PACSIN2: variants seen among roughly 807,000 people sequenced by gnomAD.
The protein encoded by PACSIN2 is protein kinase C and casein kinase substrate in neurons 2.
In PACSIN2, 25 loss-of-function variants were observed where a neutral mutation model predicts 63.8. The ratio of observed to expected loss-of-function variants is 0.39; its 90% CI spans 0.29 to 0.55. The LOEUF (loss-of-function observed/expected upper bound fraction) is 0.55. PACSIN2 is among the 20% of genes least tolerant of loss of function. The pLI, the probability that PACSIN2 is intolerant of heterozygous loss-of-function variation, is 0.62. For missense variants in PACSIN2, 518 were observed against 646.9 expected (o/e 0.80, Z 2.16); for synonymous variants, 255 against 256.2 (o/e 1.00, Z 0.05).
chr22:42,997,857 G>A (rs527400355), intron 1 of PACSIN2, among the ~76,000 whole-genome samples: 27 of 152,262 alleles, frequency 1.8e-4, no homozygotes, highest in African/African-American at 5.5e-4. Flanking sequence ...CCCCAGCCTG[G>A]GCGACAGGGC....
intron 1 of PACSIN2, among the ~76,000 whole-genome samples, chr22:42,953,118 A>T (rs947361361): frequency 3.3e-5 from 5 of 152,284 alleles, no homozygotes; most frequent in South Asian, 2.1e-4. Flanking sequence ...TGCAGGATTT[A>T]AAAAAATCAG....
At chr22:42,874,323 TA>T (rs5845568) in intron 10 of PACSIN2, among the ~76,000 whole-genome samples, 34,848 of 133,768 alleles carry the variant, frequency 0.26, 7,791 homozygotes, top group African/African-American at 0.58. Context: ...GTGTCTCTAT[TA>T]AAAAAAAAAA....
At chr22:42,896,988 G>C (rs1438819201) in intron 2 of PACSIN2, among the ~76,000 whole-genome samples, 1 of 152,066 alleles carries the variant, frequency 6.6e-6, no homozygotes, top group Non-Finnish European at 1.5e-5. Context: ...CCAGGCTAGA[G>C]TGCAGTGCCA....
At chr22:42,939,478 G>A (rs1601550973) in intron 1 of PACSIN2, among the ~76,000 whole-genome samples, 1 of 152,198 alleles carries the variant, frequency 6.6e-6, no homozygotes, top group African/African-American at 2.4e-5. Context: ...TGGAAGTGAC[G>A]CAGTTAGAGC....
intron 1 of PACSIN2, among the ~76,000 whole-genome samples, chr22:42,977,541 T>C (rs773404608): frequency 2.6e-5 from 4 of 152,206 alleles, no homozygotes; most frequent in South Asian, 2.1e-4. Flanking sequence ...TTTTCAGCCA[T>C]GAGATTAGCA....
chr22:42,915,085 C>T (rs1266660259), intron 1 of PACSIN2, among the ~76,000 whole-genome samples: 1 of 152,148 alleles, frequency 6.6e-6, no homozygotes, highest in Non-Finnish European at 1.5e-5. Context: ...CCAGACTGGT[C>T]TCAAACTCCT....
At chr22:43,013,810 T>C (rs1442296982) in intron 1 of PACSIN2, among the ~76,000 whole-genome samples, 1 of 152,128 alleles carries the variant, frequency 6.6e-6, no homozygotes, top group East Asian at 1.9e-4. Context: ...TGGTAAACAG[T>C]GTACCAAGTA....
chr22:42,930,068 G>C (rs11705340), intron 1 of PACSIN2, among the ~76,000 whole-genome samples: 1 of 152,138 alleles, frequency 6.6e-6, no homozygotes, highest in Non-Finnish European at 1.5e-5. Flanking sequence ...CACAAAGTTC[G>C]CCGTGTTAAA....
chr22:42,892,912 T>C (rs1369554460), intron 3 of PACSIN2, among the ~76,000 whole-genome samples: 2 of 152,200 alleles, frequency 1.3e-5, no homozygotes, highest in East Asian at 3.8e-4. Context: ...GTTCTAAGCA[T>C]GGCCCCTGTC....
intron 1 of PACSIN2, among the ~76,000 whole-genome samples, chr22:42,991,551 C>T (rs1000984062): frequency 2.6e-5 from 4 of 152,216 alleles, no homozygotes; most frequent in Non-Finnish European, 5.9e-5. Flanking sequence ...AGAGACTGTG[C>T]GGGAATCCAG....
At chr22:42,991,134 C>G (rs1038774237) in intron 1 of PACSIN2, among the ~76,000 whole-genome samples, 1 of 152,188 alleles carries the variant, frequency 6.6e-6, no homozygotes, top group African/African-American at 2.4e-5. Context: ...GATCAAAAAG[C>G]AGATGGAGAC....
intron 1 of PACSIN2, among the ~76,000 whole-genome samples, chr22:42,990,465 G>T (rs1191255178): frequency 1.3e-5 from 2 of 152,166 alleles, no homozygotes; most frequent in Non-Finnish European, 2.9e-5. Flanking sequence ...AGACAAACAG[G>T]TCGGTCATAC....
chr22:42,891,337 C>G (rs1439854865), intron 3 of PACSIN2, among the ~76,000 whole-genome samples, 155 bp from the exon 4 acceptor site: 3 of 152,166 alleles, frequency 2.0e-5, no homozygotes, highest in Admixed American at 2.0e-4. Context: ...GTGCCTTTTT[C>G]AGTTCCCAAA....
chr22:43,008,356 T>C lies in PACSIN2; in HGVS notation c.-78+6665A>G, dbSNP rs7286420. 7.4e-3 allele frequency among the ~76,000 whole-genome samples: 1,127 copies of C among 152,204 alleles called. 13 individuals are homozygous for C. Among genetic ancestry groups the C allele is most frequent in the African/African-American group, 0.026 (1,073 of 41,534 alleles). On this transcript the variant is annotated intron_variant, in intron 1 of 10. Coordinates refer to ENST00000263246, the MANE Select transcript of PACSIN2 (RefSeq NM_001184970.3). ...ACCTCCGCCTCCTGGGTTCAAGCCA[T>C]TCGCCTGCCTCAGCCTCCCCAGTAG...
chr22:42,898,686 C>G (rs527660268), intron 2 of PACSIN2, among the ~76,000 whole-genome samples: 1 of 152,232 alleles, frequency 6.6e-6, no homozygotes, highest in East Asian at 1.9e-4. Flanking sequence ...CTCCCTTCCC[C>G]ATGCCCTTCC....
chr22:42,923,497 G>A (rs1438938894), intron 1 of PACSIN2, among the ~76,000 whole-genome samples: 8 of 151,974 alleles, frequency 5.3e-5, no homozygotes, highest in South Asian at 2.1e-4. Context: ...GCGTGATCTC[G>A]GCTCACTGTA....
chr22:42,903,759 T>C (rs1930865669), intron 2 of PACSIN2, among the ~76,000 whole-genome samples: 1 of 152,252 alleles, frequency 6.6e-6, no homozygotes, highest in South Asian at 2.1e-4. Flanking sequence ...GCCTTGAGTC[T>C]GATCTACAAT....
chr22:43,012,678 GTTT>G (rs1924581592), intron 1 of PACSIN2, among the ~76,000 whole-genome samples: 1 of 150,842 alleles, frequency 6.6e-6, no homozygotes, highest in South Asian at 2.1e-4. Context: ...TGAAACAGGA[GTTT>G]TGCTCTTGTT....
chr22:42,971,986 G>A (rs1921350702), intron 1 of PACSIN2, among the ~76,000 whole-genome samples: 1 of 152,034 alleles, frequency 6.6e-6, no homozygotes, highest in Non-Finnish European at 1.5e-5. Flanking sequence ...CCTCTGCCCG[G>A]CCGCCACCCC....
Sources: gnomAD v4.1 joint callset for allele counts (sites outside exome capture counted in the v4.1 genomes callset) on GRCh38, gnomAD v4.1.1 for gene constraint, MANE v1.5 for transcripts, NCBI Gene and HGNC (gene_info 2026-07-23, HGNC 2026-07-21) for gene names.